Variants in ADCY2 observed in about 807,000 individuals in gnomAD.
ADCY2 encodes the protein adenylate cyclase type 2.
Under a neutral mutation model 125.2 loss-of-function variants are expected in ADCY2, and 31 were observed. The ratio of observed to expected loss-of-function variants is 0.25; its 90% confidence interval spans 0.19 to 0.33. ADCY2 has a LOEUF of 0.33. Ranked by LOEUF, ADCY2 falls within the 10% of genes least tolerant of loss-of-function variation. The pLI, the probability that ADCY2 is intolerant of heterozygous loss-of-function variation, is 1.00. For synonymous variants in ADCY2, 512 were observed against 548.4 expected (o/e 0.93, Z 0.93); for missense variants, 904 against 1,418.2 (o/e 0.64, Z 5.82).
At chr5:7,681,260 T>C (rs1228633919) in intron 4 of ADCY2, among the ~76,000 whole-genome samples, 1 of 152,198 alleles carries the variant, frequency 6.6e-6, no homozygotes, top group Admixed American at 6.5e-5. Flanking sequence ...GAAAAGTTGT[T>C]ATGCAGAAAT....
In ADCY2 at chr5:7,576,715, T is replaced by G. The variant is rs114420851; in HGVS notation, c.571-49452T>G. 7.4e-3 allele frequency among the ~76,000 whole-genome samples: 1,124 copies of G among 152,304 alleles called. 11 individuals are homozygous for G. The highest frequency in any genetic ancestry group is 0.026 in the African/African-American group (1,068 of 41,572). On this transcript the variant is annotated intron_variant, in intron 3 of 24. Transcript: ENST00000338316. ...GGCTCAGATAATTTAAATAACTTGC[T>G]TAAAGGTCACACAGCTTGTAAATGA...
At chr5:7,689,995 T>C (rs1305208974) in intron 4 of ADCY2, among the ~76,000 whole-genome samples, 1 of 152,226 alleles carries the variant, frequency 6.6e-6, no homozygotes, top group Non-Finnish European at 1.5e-5. Flanking sequence ...AATAAGTTTA[T>C]GTTAAAATGA....
Position 7,418,106 on chromosome 5 carries a change from C to G in ADCY2, c.408+3336C>G, listed in dbSNP as rs2126341035. On this transcript the variant is annotated intron_variant, in intron 2 of 24. Coordinates refer to ENST00000338316, the MANE Select transcript of ADCY2 (RefSeq NM_020546.3). ...TAGTCATTTTCTCAAGACTGACTACCCTCAGGTGTTGAATTTGTTGGCCAA... is the reference window on the plus strand; with the variant it reads ...TAGTCATTTTCTCAAGACTGACTACGCTCAGGTGTTGAATTTGTTGGCCAA... Among the ~76,000 whole-genome samples the G allele has an allele frequency of 1.3e-5, 2 of 152,194 alleles. 1 individual carries two copies. The highest frequency in any genetic ancestry group is 4.2e-4 in the South Asian group (2 of 4,814).
chr5:7,728,286 G>A lies in ADCY2; in HGVS notation c.1871+1025G>A, dbSNP rs370575522. On this transcript the variant is annotated intron_variant, in intron 14 of 24. Transcript: ENST00000338316. ...CTGTACTTCAAAGGATTTTCTTCTG[G>A]GCACTGAGCCAAATAGCCAAAAACC... 1.1e-4 allele frequency among the ~76,000 whole-genome samples: 16 copies of A among 152,142 alleles called. No individual in the cohort carries two copies. The East Asian group carries it at 2.1e-3, about 20-fold the overall frequency.
chr5:7,820,445 G>T, intron 23 of ADCY2, 120 bp from the exon 24 acceptor site: 1 of 1,302,248 alleles, frequency 7.7e-7, no homozygotes, highest in Non-Finnish European at 1.0e-6. Flanking sequence ...AGTCAGCCAA[G>T]ATTGCGCCAC....
At chr5:7,451,994 T>C (rs578141581) in intron 2 of ADCY2, among the ~76,000 whole-genome samples, 35 of 152,320 alleles carry the variant, frequency 2.3e-4, no homozygotes, top group African/African-American at 8.2e-4. Flanking sequence ...CACTGCAACG[T>C]CCGCCTCCCA....
chr5:7,564,720 G>A (rs752817207), intron 3 of ADCY2, among the ~76,000 whole-genome samples: 5 of 152,124 alleles, frequency 3.3e-5, no homozygotes, highest in African/African-American at 4.8e-5. Context: ...AGGGCCTTGG[G>A]CTTTGAGGAA....
intron 2 of ADCY2, among the ~76,000 whole-genome samples, chr5:7,453,486 A>T (rs1300003112): frequency 2.0e-5 from 3 of 152,178 alleles, no homozygotes; most frequent in Non-Finnish European, 4.4e-5. Context: ...GTGTGTCTGC[A>T]GCAGCCTCAA....
chr5:7,748,343 A>G (rs1227293956), intron 15 of ADCY2, among the ~76,000 whole-genome samples: 1 of 152,126 alleles, frequency 6.6e-6, no homozygotes, highest in Non-Finnish European at 1.5e-5. Flanking sequence ...TGCTTTCTAC[A>G]TCGGATGCTA....
At position 7,802,907 on chromosome 5, in the gene ADCY2, C is replaced by A. The variant is rs374206423; in HGVS notation, c.2775+543C>A. Among the ~76,000 whole-genome samples, 1 of 152,142 alleles carries A rather than the reference C, an allele frequency of 6.6e-6. No individual in the cohort carries two copies. Among genetic ancestry groups the A allele is most frequent in the South Asian group, 2.1e-4 (1 of 4,808 alleles). On this transcript the variant is annotated intron_variant, in intron 21 of 24. Transcript: ENST00000338316. The surrounding 1 kb of genome is among the most constrained non-coding windows in gnomAD (Gnocchi z 4.6). ...CATAGAGAATAGTGTGTTCTATTTC[C>A]CAGTAAGAACAAACGCCCCTCTGGT...
chr5:7,445,101 G>A (rs1430386674), intron 2 of ADCY2, among the ~76,000 whole-genome samples: 1 of 152,180 alleles, frequency 6.6e-6, no homozygotes, highest in African/African-American at 2.4e-5. Flanking sequence ...AAGTTTTTAT[G>A]TAGTTAAGTA....
intron 2 of ADCY2, among the ~76,000 whole-genome samples, chr5:7,438,778 A>G (rs1247576787): frequency 6.6e-6 from 1 of 152,208 alleles, no homozygotes; most frequent in African/African-American, 2.4e-5. Flanking sequence ...TGTCACAGAG[A>G]AAATGCTGAG....
intron 18 of ADCY2, among the ~76,000 whole-genome samples, chr5:7,776,443 G>A (rs1579422726): frequency 6.6e-6 from 1 of 152,108 alleles, no homozygotes; most frequent in Non-Finnish European, 1.5e-5. Flanking sequence ...TTCTGTTCTG[G>A]TCTTCTTTCT....
At chr5:7,415,645 C>T (rs1408126522) in intron 2 of ADCY2, among the ~76,000 whole-genome samples, 1 of 152,164 alleles carries the variant, frequency 6.6e-6, no homozygotes, top group East Asian at 1.9e-4. Flanking sequence ...GGGGTGGCTT[C>T]GGATACCTGC....
At chr5:7,670,753 T>A (rs919592957) in intron 4 of ADCY2, among the ~76,000 whole-genome samples, 5 of 152,152 alleles carry the variant, frequency 3.3e-5, no homozygotes, top group African/African-American at 1.2e-4. Flanking sequence ...CGTGCACAGT[T>A]TACTATAGCG....
At chr5:7,695,363 C>T (rs1579324945) in intron 5 of ADCY2, among the ~76,000 whole-genome samples, 1 of 152,224 alleles carries the variant, frequency 6.6e-6, no homozygotes, top group Admixed American at 6.5e-5. Context: ...TTGTTCAATA[C>T]ATCCTCCCAG....
intron 2 of ADCY2, among the ~76,000 whole-genome samples, chr5:7,430,685 C>T (rs1187139668): frequency 6.6e-6 from 1 of 151,856 alleles, no homozygotes; most frequent in Admixed American, 6.6e-5. Context: ...ATAATTTCAA[C>T]AGGTGCACTG....
At chr5:7,489,375 C>T (rs1743073119) in intron 2 of ADCY2, among the ~76,000 whole-genome samples, 1 of 152,166 alleles carries the variant, frequency 6.6e-6, no homozygotes, top group Admixed American at 6.5e-5. Flanking sequence ...TTCACCTTGC[C>T]ACTCAGCCCT....
chr5:7,776,184 T>C (rs755528859), intron 18 of ADCY2, among the ~76,000 whole-genome samples: 4 of 116,924 alleles, frequency 3.4e-5, no homozygotes, highest in Non-Finnish European at 5.0e-5. Flanking sequence ...AATATGAAAG[T>C]GAGATCCTTA....
Sources: gnomAD v4.1 joint callset for allele counts (sites outside exome capture counted in the v4.1 genomes callset) on GRCh38, gnomAD v4.1.1 for gene constraint, Gnocchi (gnomAD v3.1) non-coding constraint, MANE v1.5 for transcripts, NCBI Gene and HGNC (gene_info 2026-07-23, HGNC 2026-07-21) for gene names.